Variants in FOLH1 observed in about 807,000 individuals in gnomAD.
FOLH1 encodes glutamate carboxypeptidase 2.
Under a neutral mutation model 93.9 loss-of-function variants are expected in FOLH1, and 54 were observed. That is an observed-to-expected ratio of 0.57 (90% CI 0.46 to 0.72). The LOEUF is 0.72. Among genes scored for constraint, FOLH1 ranks in the 30% least tolerant of loss-of-function variants. The probability of loss-of-function intolerance (pLI) is 0.00; values close to 1 mark genes in which losing one functional copy is unlikely to be tolerated. For missense variants in FOLH1, 571 were observed against 892.5 expected (o/e 0.64, Z 4.59); for synonymous variants, 249 against 303.6 (o/e 0.82, Z 1.87).
intron 11 of FOLH1, among the ~76,000 whole-genome samples, chr11:49,169,754 C>T (rs975867770): frequency 6.6e-6 from 1 of 152,146 alleles, no homozygotes; most frequent in Non-Finnish European, 1.5e-5. Context: ...AAGTCAGGCT[C>T]TCCTGTAGGA....
rs187851068 is a variant in FOLH1 at position 49,182,115 on chromosome 11, G to A, written c.920+1034C>T. Reference sequence around the variant, plus strand: ...AGGCCAAGGAGGGCGGATCACCTGCGGTCAGGAGTTCGAGACCAGCCTGAT... The same window carrying A: ...AGGCCAAGGAGGGCGGATCACCTGCAGTCAGGAGTTCGAGACCAGCCTGAT... On this transcript the variant is annotated intron_variant, in intron 7 of 18. Coordinates refer to ENST00000256999, the MANE Select transcript of FOLH1 (RefSeq NM_004476.3). Among the ~76,000 whole-genome samples, 596 of 152,054 alleles carry A rather than the reference G, an allele frequency of 3.9e-3. 5 individuals carry two copies. The highest frequency in any genetic ancestry group is 0.014 in the African/African-American group (567 of 41,454).
chr11:49,195,596 A>G (rs1212510156), intron 3 of FOLH1, among the ~76,000 whole-genome samples: 1 of 152,054 alleles, frequency 6.6e-6, no homozygotes, highest in Admixed American at 6.6e-5. Context: ...GCAAAGATAG[A>G]TGAGAAAAGA....
chr11:49,179,656 C>T (rs937050810), intron 7 of FOLH1, among the ~76,000 whole-genome samples: 3 of 152,006 alleles, frequency 2.0e-5, no homozygotes, highest in African/African-American at 7.2e-5. Flanking sequence ...GAAAGAATCT[C>T]AAATCATTAA....
At chr11:49,156,923 A>G (rs1328527450) in intron 14 of FOLH1, 116 bp from the exon 15 acceptor site, 2 of 1,506,310 alleles carry the variant, frequency 1.3e-6, no homozygotes, top group East Asian at 2.3e-5. Context: ...TTAAACATAC[A>G]GCTTTAGACA....
chr11:49,158,168 A>G, intron 13 of FOLH1, 125 bp from the exon 14 acceptor site: 4 of 619,124 alleles, frequency 6.5e-6, no homozygotes, highest in African/African-American at 3.8e-5. Context: ...CTATCCATAC[A>G]TTAGCAGTCA....
intron 17 of FOLH1, among the ~76,000 whole-genome samples, chr11:49,153,522 A>G (rs1160668552): frequency 6.6e-6 from 1 of 152,056 alleles, no homozygotes; most frequent in Non-Finnish European, 1.5e-5. Context: ...AACTGATCAA[A>G]TGTCAGGAGG....
intron 2 of FOLH1, among the ~76,000 whole-genome samples, chr11:49,203,855 G>T (rs2135336285): frequency 6.6e-6 from 1 of 152,314 alleles, no homozygotes; most frequent in Middle Eastern, 3.4e-3. Context: ...GTCAGGTGAT[G>T]GTTCAGTTCA....
At chr11:49,173,817 G>C (rs995302647) in intron 9 of FOLH1, among the ~76,000 whole-genome samples, 2 of 152,150 alleles carry the variant, frequency 1.3e-5, no homozygotes, top group Admixed American at 6.5e-5. Context: ...TATATTCAAA[G>C]TAAGAGAACA....
In FOLH1 at chr11:49,171,266, T is replaced by A; in HGVS notation, c.1237A>T (p.Arg413Ter). 6.3e-7 allele frequency: 1 copy of A among 1,582,736 alleles called. No homozygotes were observed. The highest frequency in any genetic ancestry group is 8.6e-7 in the Non-Finnish European group (1 of 1,166,632). The change falls in exon 11 of 19, where the codon AGA becomes TGA. Residue 413 changes from arginine to a stop codon, truncating the protein, a stop_gained. Coordinates refer to ENST00000256999, the MANE Select transcript of FOLH1 (RefSeq NM_004476.3). LOFTEE classifies it high-confidence loss of function. ...GTLKKEGWRP[R>*]RTILFASWDA... is the part of the protein sequence containing the mutation. ...CAGCTTGCAAACAAAATTGTTCTTC[T>A]AGGTCTCCACCCTAAAATGTATGTG...
At chr11:49,173,327 GT>G (rs747775378) in intron 10 of FOLH1, 29 bp downstream of exon 10, 29 of 1,589,538 alleles carry the variant, frequency 1.8e-5, no homozygotes, top group East Asian at 1.3e-4. Context: ...CAGATAGGCT[GT>G]TTTTTTTCTT....
At chr11:49,169,125 C>A in intron 12 of FOLH1, 70 bp downstream of exon 12, 1 of 1,541,532 alleles carries the variant, frequency 6.5e-7, no homozygotes, top group Non-Finnish European at 9.0e-7. Flanking sequence ...CTTGTTAGTG[C>A]ATAATTTATT....
chr11:49,204,513 C>T (rs1863640036), intron 2 of FOLH1, among the ~76,000 whole-genome samples: 1 of 152,068 alleles, frequency 6.6e-6, no homozygotes, highest in Admixed American at 6.5e-5. Context: ...AAGACCATAC[C>T]TTGCCAGACC....
chr11:49,150,773 C>T (rs1856419993), intron 17 of FOLH1, among the ~76,000 whole-genome samples: 1 of 152,148 alleles, frequency 6.6e-6, no homozygotes, highest in South Asian at 2.1e-4. Context: ...GCTCTGAATA[C>T]TTCAACAATG....
chr11:49,201,255 G>GATAGATATATATATATATATATAT (rs1863221466), intron 2 of FOLH1, among the ~76,000 whole-genome samples: 1 of 139,876 alleles, frequency 7.1e-6, no homozygotes, highest in African/African-American at 2.6e-5. Context: ...AGCATGAAAA[G>GATAGATATATATATATATATATAT]ATATATATAT....
intron 7 of FOLH1, among the ~76,000 whole-genome samples, chr11:49,177,272 A>G (rs1860167965): frequency 6.6e-6 from 1 of 152,220 alleles, no homozygotes; most frequent in South Asian, 2.1e-4. Flanking sequence ...CAAGTAATGT[A>G]TTATAAAATT....
At chr11:49,177,155 A>T (rs1461751419) in intron 7 of FOLH1, among the ~76,000 whole-genome samples, 1 of 152,244 alleles carries the variant, frequency 6.6e-6, no homozygotes, top group Non-Finnish European at 1.5e-5. Flanking sequence ...TTCTCGTGGA[A>T]AATTCATTAG....
At chr11:49,196,245 GACAA>G (rs1406816061) in intron 3 of FOLH1, among the ~76,000 whole-genome samples, 2 of 152,086 alleles carry the variant, frequency 1.3e-5, no homozygotes, top group African/African-American at 4.8e-5. Context: ...ATTATCATAT[GACAA>G]ACAATAAAGT....
At chr11:49,156,568 A>C in intron 15 of FOLH1, 149 bp downstream of exon 15, 1 of 969,506 alleles carries the variant, frequency 1.0e-6, no homozygotes, top group Non-Finnish European at 1.6e-6. Context: ...TATCCTACGT[A>C]GTAGTGATAC....
chr11:49,194,147 A>AAG (rs1862378293), intron 3 of FOLH1, among the ~76,000 whole-genome samples: 2 of 151,672 alleles, frequency 1.3e-5, no homozygotes, highest in African/African-American at 4.8e-5. Context: ...AAAAAAAAAA[A>AAG]AAAAAAAAGA....
Sources: allele counts gnomAD v4.1 joint callset (sites outside exome capture counted in the v4.1 genomes callset), GRCh38; gene constraint gnomAD v4.1.1; transcripts MANE v1.5; gene names NCBI Gene and HGNC (gene_info 2026-07-23, HGNC 2026-07-21).